The following EEIG2 variants were observed in gnomAD, a reference collection of about 807,000 sequenced individuals.
EEIG2 encodes family with sequence similarity 102 member B.
At chr1:108,624,463 T>C in the EEIG2 span, among the ~76,000 whole-genome samples, 1 of 152,186 alleles carries the variant, frequency 6.6e-6, no homozygotes, top group South Asian at 2.1e-4. Context: ...TTTTCTTTTA[T>C]GAATTTTATT....
the EEIG2 span, among the ~76,000 whole-genome samples, chr1:108,615,698 T>C: frequency 6.6e-6 from 1 of 151,210 alleles, no homozygotes. Context: ...AGGAAGATCA[T>C]GAGCCCAGGA....
the EEIG2 span, among the ~76,000 whole-genome samples, chr1:108,561,102 A>T: frequency 6.6e-6 from 1 of 152,168 alleles, no homozygotes; most frequent in Non-Finnish European, 1.5e-5. Flanking sequence ...CGGCGTCTCC[A>T]GTTAGGCGCT....
At chr1:108,616,514 G>A in the EEIG2 span, 2 of 891,622 alleles carry the variant, frequency 2.2e-6, no homozygotes, top group Non-Finnish European at 3.5e-6. Context: ...ATATTTTGTA[G>A]TGCTTATAAG....
chr1:108,604,794 C>G, the EEIG2 span, among the ~76,000 whole-genome samples: 1 of 146,850 alleles, frequency 6.8e-6, no homozygotes, highest in Non-Finnish European at 1.5e-5. Context: ...TTTGGGAGGC[C>G]GAGGAATGAG....
the EEIG2 span, among the ~76,000 whole-genome samples, chr1:108,629,394 T>C: frequency 2.6e-5 from 4 of 152,244 alleles, no homozygotes; most frequent in African/African-American, 9.6e-5. Context: ...AAAAGAGTTT[T>C]AGAAACATTG....
the EEIG2 span, chr1:108,636,248 C>T: frequency 6.6e-6 from 1 of 152,146 alleles, no homozygotes; most frequent in Non-Finnish European, 1.5e-5. Context: ...GGTCTGGATC[C>T]AGTTGAGCAG....
At chr1:108,565,488 T>G in the EEIG2 span, among the ~76,000 whole-genome samples, 1 of 152,234 alleles carries the variant, frequency 6.6e-6, no homozygotes, top group Admixed American at 6.5e-5. Flanking sequence ...GCAAAAGCAT[T>G]TAAATCACTT....
At chr1:108,591,133 T>C in the EEIG2 span, among the ~76,000 whole-genome samples, 1 of 152,206 alleles carries the variant, frequency 6.6e-6, no homozygotes, top group Non-Finnish European at 1.5e-5. Context: ...AATTAATGAC[T>C]CACATAACGG....
chr1:108,613,529 T>C, the EEIG2 span, among the ~76,000 whole-genome samples: 1 of 152,164 alleles, frequency 6.6e-6, no homozygotes, highest in Non-Finnish European at 1.5e-5. Context: ...CCCACTTTCC[T>C]AAGAGCCAAC....
the EEIG2 span, chr1:108,637,608 T>C: frequency 6.6e-6 from 1 of 152,186 alleles, no homozygotes; most frequent in South Asian, 2.1e-4. Flanking sequence ...AAATTTCAAA[T>C]CACCCAGTGT....
chr1:108,619,697 G>T, the EEIG2 span, among the ~76,000 whole-genome samples: 1 of 152,204 alleles, frequency 6.6e-6, no homozygotes, highest in African/African-American at 2.4e-5. Flanking sequence ...GACCAGCCTG[G>T]GCAACATGGT....
the EEIG2 span, among the ~76,000 whole-genome samples, chr1:108,590,399 A>G: frequency 1.3e-5 from 2 of 152,198 alleles, no homozygotes; most frequent in South Asian, 4.1e-4. Flanking sequence ...AAATTTGACC[A>G]TTATTTCACT....
chr1:108,618,291 T>G, the EEIG2 span, among the ~76,000 whole-genome samples: 1 of 152,128 alleles, frequency 6.6e-6, no homozygotes, highest in African/African-American at 2.4e-5. Flanking sequence ...CATATAGAAG[T>G]TCTTTTCCAG....
the EEIG2 span, among the ~76,000 whole-genome samples, chr1:108,607,153 A>G: frequency 6.6e-6 from 1 of 152,250 alleles, no homozygotes; most frequent in East Asian, 1.9e-4. Context: ...GAACGTCATC[A>G]AGAACTCATT....
the EEIG2 span, chr1:108,560,588 T>C: frequency 6.2e-7 from 1 of 1,604,112 alleles, no homozygotes; most frequent in Non-Finnish European, 8.5e-7. Context: ...CCGCGCCGCC[T>C]CGCCCCTTTC....
chr1:108,562,071 T>C, the EEIG2 span, among the ~76,000 whole-genome samples: 1 of 152,214 alleles, frequency 6.6e-6, no homozygotes, highest in African/African-American at 2.4e-5. Flanking sequence ...TCTAAATATA[T>C]TATCTTATTT....
the EEIG2 span, among the ~76,000 whole-genome samples, chr1:108,589,183 C>T: frequency 1.1e-4 from 16 of 152,264 alleles, no homozygotes; most frequent in African/African-American, 3.6e-4. Context: ...CTGGCATTCT[C>T]AGGGATGAAC....
At chr1:108,584,315 A>C in the EEIG2 span, among the ~76,000 whole-genome samples, 1 of 152,018 alleles carries the variant, frequency 6.6e-6, no homozygotes, top group Non-Finnish European at 1.5e-5. Flanking sequence ...GAGAGTCTGT[A>C]TGCTTTCTTA....
chr1:108,623,184 C>A, the EEIG2 span, among the ~76,000 whole-genome samples: 2 of 152,164 alleles, frequency 1.3e-5, no homozygotes, highest in South Asian at 4.1e-4. Context: ...TTTAAAATAA[C>A]TGAAAGAGTC....
Sources: allele counts gnomAD v4.1 joint callset (sites outside exome capture counted in the v4.1 genomes callset), GRCh38; gene constraint gnomAD v4.1.1; transcripts MANE v1.5; gene names NCBI Gene and HGNC (gene_info 2026-07-23, HGNC 2026-07-21).